The following SSBP3 variants were observed in gnomAD, a reference collection of about 807,000 sequenced individuals.
The protein encoded by SSBP3 is single-stranded DNA-binding protein 3.
A neutral mutation model predicts 69.6 loss-of-function variants in SSBP3; 5 were observed. The observed-to-expected ratio is 0.07, with a 90% CI of 0.04 to 0.15. The LOEUF is 0.15. SSBP3 is among the 10% of genes least tolerant of loss of function. The pLI, the probability that SSBP3 is intolerant of heterozygous loss-of-function variation, is 1.00. For synonymous variants in SSBP3, 196 were observed against 193.4 expected, an observed-to-expected ratio of 1.01 and a Z score of -0.11; for missense variants, 312 against 534.0, an observed-to-expected ratio of 0.58 and a Z score of 4.10.
intron 4 of SSBP3, among the ~76,000 whole-genome samples, chr1:54,401,006 G>A (rs1026109288): frequency 6.6e-6 from 1 of 152,198 alleles, no homozygotes; most frequent in African/African-American, 2.4e-5. Flanking sequence ...ACTGTCTACA[G>A]GGCTAGCAAG....
chr1:54,393,243 T>A (rs1176713034), intron 4 of SSBP3, among the ~76,000 whole-genome samples: 1 of 152,194 alleles, frequency 6.6e-6, no homozygotes, highest in Non-Finnish European at 1.5e-5. Flanking sequence ...GGAAGCGGCA[T>A]ATGTGACTTG....
intron 4 of SSBP3, among the ~76,000 whole-genome samples, chr1:54,312,027 T>C (rs1377787616): frequency 6.6e-6 from 1 of 152,172 alleles, no homozygotes; most frequent in African/African-American, 2.4e-5. Flanking sequence ...CTCCAGCACA[T>C]AGCACCAGCT....
chr1:54,313,511 T>C (rs1195451871), intron 4 of SSBP3, among the ~76,000 whole-genome samples: 1 of 128,860 alleles, frequency 7.8e-6, no homozygotes, highest in Non-Finnish European at 1.6e-5. Context: ...GGGTTAAAAC[T>C]CCTGGGCTCA....
intron 5 of SSBP3, among the ~76,000 whole-genome samples, chr1:54,260,572 CCTCT>C (rs1645000524): frequency 1.3e-5 from 2 of 152,274 alleles, no homozygotes; most frequent in African/African-American, 4.8e-5. Flanking sequence ...AGGTGTGCCT[CCTCT>C]GCGCCTCCCT....
At chr1:54,365,532 G>A (rs374834051) in intron 4 of SSBP3, among the ~76,000 whole-genome samples, 3 of 152,216 alleles carry the variant, frequency 2.0e-5, no homozygotes, top group African/African-American at 7.2e-5. Context: ...CTACTAAGTG[G>A]CCTGAGCAGG....
At chr1:54,340,384 T>C (rs564069541) in intron 4 of SSBP3, among the ~76,000 whole-genome samples, 8 of 152,136 alleles carry the variant, frequency 5.3e-5, no homozygotes, top group Non-Finnish European at 1.0e-4. Flanking sequence ...GGTGCTTCCT[T>C]GTAGAGGCTC....
intron 4 of SSBP3, among the ~76,000 whole-genome samples, chr1:54,381,302 A>G (rs1443445264): frequency 6.7e-6 from 1 of 149,956 alleles, no homozygotes; most frequent in Admixed American, 6.7e-5. Context: ...ACAATCACTT[A>G]AACTCGGGAG....
At chr1:54,411,965 T>A (rs1650005956) in intron 1 of SSBP3, among the ~76,000 whole-genome samples, 3 of 146,962 alleles carry the variant, frequency 2.0e-5, no homozygotes. Flanking sequence ...CACCCACCAC[T>A]CCCCCAACTC....
At chr1:54,360,655 AG>A (rs1477013185) in intron 4 of SSBP3, among the ~76,000 whole-genome samples, 3 of 152,164 alleles carry the variant, frequency 2.0e-5, no homozygotes, top group Non-Finnish European at 4.4e-5. Context: ...CCAAATTTAA[AG>A]CCCAAAATGT....
intron 3 of SSBP3, among the ~76,000 whole-genome samples, chr1:54,403,676 A>AACG: frequency 6.6e-6 from 1 of 152,290 alleles, no homozygotes; most frequent in Non-Finnish European, 1.5e-5. Flanking sequence ...CTAAGATCCC[A>AACG]ACGACAGGAG....
chr1:54,369,856 T>G (rs55830046), intron 4 of SSBP3, among the ~76,000 whole-genome samples: 13,979 of 150,760 alleles, frequency 0.093, 947 homozygotes, highest in East Asian at 0.27. Flanking sequence ...GACGGTATCC[T>G]GGGCACAACA....
chr1:54,343,489 G>A (rs970359088), intron 4 of SSBP3, among the ~76,000 whole-genome samples: 15 of 152,168 alleles, frequency 9.9e-5, no homozygotes, highest in East Asian at 1.9e-4. Flanking sequence ...AAGGTAAAAC[G>A]GACACTAAGA....
intron 4 of SSBP3, among the ~76,000 whole-genome samples, chr1:54,303,717 G>A (rs571001216): frequency 2.0e-5 from 3 of 152,238 alleles, no homozygotes; most frequent in South Asian, 2.1e-4. Context: ...AAATGTGGGC[G>A]GTTCAGAGAC....
chr1:54,246,000 C>A (rs1644728540), intron 9 of SSBP3, among the ~76,000 whole-genome samples: 2 of 152,194 alleles, frequency 1.3e-5, no homozygotes, highest in Admixed American at 6.5e-5. Context: ...CCCCACTGTG[C>A]AGTTGTGCGT....
chr1:54,389,704 T>TA (rs1648346696), intron 4 of SSBP3, among the ~76,000 whole-genome samples: 1 of 150,446 alleles, frequency 6.6e-6, no homozygotes, highest in African/African-American at 2.5e-5. Context: ...CAAAAAAAAA[T>TA]AAAAAAATAA....
chr1:54,240,182 G>A (rs1033225146), intron 13 of SSBP3, among the ~76,000 whole-genome samples: 1 of 151,654 alleles, frequency 6.6e-6, no homozygotes, highest in Admixed American at 6.6e-5. Context: ...GGGAGGGCTG[G>A]GTGTGGTGGC....
At chr1:54,241,267 C>T (rs1175559997) in intron 12 of SSBP3, among the ~76,000 whole-genome samples, 1 of 152,186 alleles carries the variant, frequency 6.6e-6, no homozygotes, top group Non-Finnish European at 1.5e-5. Flanking sequence ...CCCCAGAAGG[C>T]AATTCCACCC....
intron 11 of SSBP3, 138 bp from the exon 12 acceptor site, chr1:54,241,647 G>A (rs1644640330): frequency 1.2e-6 from 1 of 854,870 alleles, no homozygotes; most frequent in Non-Finnish European, 1.9e-6. Flanking sequence ...TGGTTCCCCT[G>A]GGAGGGCTGG....
At chr1:54,296,698 C>A (rs564923478) in intron 4 of SSBP3, among the ~76,000 whole-genome samples, 1 of 152,320 alleles carries the variant, frequency 6.6e-6, no homozygotes, top group South Asian at 2.1e-4. Context: ...CTGCTGCATC[C>A]CCTGGAACAG....
Sources: gnomAD v4.1 joint callset for allele counts (sites outside exome capture counted in the v4.1 genomes callset) on GRCh38, gnomAD v4.1.1 for gene constraint, MANE v1.5 for transcripts, NCBI Gene and HGNC (gene_info 2026-07-23, HGNC 2026-07-21) for gene names.